Variants in SRPX observed in about 807,000 individuals in gnomAD.
SRPX encodes the protein sushi repeat containing protein X-linked, also known as sushi repeat-containing protein SRPX.
SRPX carries 24 observed loss-of-function variants against 38.1 expected under a neutral mutation model. The ratio of observed to expected loss-of-function variants is 0.63; its 90% CI spans 0.46 to 0.89. The LOEUF is 0.89. Among genes scored for constraint, SRPX ranks in the 40% least tolerant of loss-of-function variants. The pLI, the probability that SRPX is intolerant of heterozygous loss-of-function variation, is 0.00. For missense variants in SRPX, 416 were observed against 377.8 expected (o/e 1.10, Z -0.84); for synonymous variants, 184 against 153.8 (o/e 1.20, Z -1.45).
At chrX:38,171,853 C>T (rs1443429797) in intron 4 of SRPX, 28 bp downstream of exon 4, 1 of 1,204,280 alleles carries the variant, frequency 8.3e-7, no homozygotes, top group Non-Finnish European at 1.1e-6. Flanking sequence ...AAAGCAAGTG[C>T]CTCCTAAGGG....
intron 1 of SRPX, among the ~76,000 whole-genome samples, chrX:38,178,645 C>A (rs1159574777): frequency 1.8e-5 from 2 of 111,556 alleles, no homozygotes; most frequent in Non-Finnish European, 3.8e-5. Flanking sequence ...GAGAAGATGC[C>A]AATGTATATG....
intron 1 of SRPX, among the ~76,000 whole-genome samples, chrX:38,220,397 G>T (rs1421661462): frequency 1.8e-5 from 2 of 113,411 alleles, no homozygotes; most frequent in African/African-American, 6.4e-5. Flanking sequence ...TCTCTGTGGA[G>T]CCTCCTACAC....
At chrX:38,164,245 C>G (rs185267285) in intron 5 of SRPX, among the ~76,000 whole-genome samples, 112 of 110,279 alleles carry the variant, frequency 1.0e-3, no homozygotes, top group Non-Finnish European at 6.8e-4. Flanking sequence ...CAGGTTCAAG[C>G]GATTCTCATG....
chrX:38,172,084 G>A (rs202167327), intron 3 of SRPX, 27 bp from the exon 4 acceptor site: 8 of 1,192,839 alleles, frequency 6.7e-6, no homozygotes, highest in East Asian at 3.0e-5. Flanking sequence ...CAGATATTCA[G>A]CATTTCTTAG....
intron 1 of SRPX, among the ~76,000 whole-genome samples, chrX:38,219,136 T>C (rs1939466578): frequency 9.1e-6 from 1 of 110,133 alleles, no homozygotes; most frequent in African/African-American, 3.3e-5. Context: ...TGGGCCCTGG[T>C]AGCAAGCTGT....
intron 6 of SRPX, 92 bp from the exon 7 acceptor site, chrX:38,160,288 C>G: frequency 1.1e-6 from 1 of 919,426 alleles, no homozygotes; most frequent in South Asian, 2.4e-5. Flanking sequence ...ATCAGCTTTG[C>G]AATCAGGCTT....
chrX:38,176,600 C>T (rs1317465107), intron 2 of SRPX, among the ~76,000 whole-genome samples: 3 of 111,155 alleles, frequency 2.7e-5, no homozygotes, highest in Admixed American at 9.5e-5. Flanking sequence ...CGAGACCAGC[C>T]TGGCCAACAT....
intron 9 of SRPX, among the ~76,000 whole-genome samples, chrX:38,151,646 T>C (rs953326656): frequency 1.5e-4 from 17 of 111,080 alleles, no homozygotes; most frequent in African/African-American, 5.6e-4. Flanking sequence ...ATCAGCAGGC[T>C]AGCAGCAGCC....
chrX:38,178,458 C>A, intron 1 of SRPX, 114 bp from the exon 2 acceptor site: 1 of 565,941 alleles, frequency 1.8e-6, no homozygotes, highest in Non-Finnish European at 2.8e-6. Flanking sequence ...AATGCAGAGC[C>A]AAGAGCAAAA....
At chrX:38,215,767 G>T (rs1297182067) in intron 1 of SRPX, among the ~76,000 whole-genome samples, 1 of 112,120 alleles carries the variant, frequency 8.9e-6, no homozygotes, top group African/African-American at 3.2e-5. Context: ...GTGGGGCAGG[G>T]GGGTACAGCA....
At chrX:38,197,610 T>C (rs748482320) in intron 1 of SRPX, among the ~76,000 whole-genome samples, 4 of 112,017 alleles carry the variant, frequency 3.6e-5, no homozygotes, top group East Asian at 2.8e-4. Flanking sequence ...TGCCAGAAGA[T>C]GCTAGAAAGA....
Position 38,149,695 on chromosome X carries a change from G to A in SRPX, c.*16C>T. Reference sequence around the variant, plus strand: ...GTAGACAATGAAGAGGAATTGCCAAGAGAGGAACCATCATGTCAGGTGTTA... The same window carrying A: ...GTAGACAATGAAGAGGAATTGCCAAAAGAGGAACCATCATGTCAGGTGTTA... On this transcript the variant is annotated 3_prime_UTR_variant, in exon 10 of 10. Coordinates refer to ENST00000378533, the MANE Select transcript of SRPX (RefSeq NM_006307.5). 1 of 1,200,933 alleles carries A rather than the reference G, an allele frequency of 8.3e-7. No individual in the cohort carries two copies. Among genetic ancestry groups the A allele is most frequent in the Non-Finnish European group, 1.1e-6 (1 of 889,774 alleles).
chrX:38,183,986 G>T (rs1401441479), intron 1 of SRPX, among the ~76,000 whole-genome samples: 2 of 110,769 alleles, frequency 1.8e-5, no homozygotes, highest in Non-Finnish European at 3.8e-5. Context: ...TTCAAATTAG[G>T]GTCTTCCTGG....
rs1453654044 is a variant in SRPX, at chrX:38,160,060, A to G, written c.912T>C (p.Cys304=). The change falls in exon 7 of 10, where the codon TGT becomes TGC. Residue 304 remains cysteine (C), a synonymous_variant. Coordinates refer to ENST00000378533, the MANE Select transcript of SRPX (RefSeq NM_006307.5). ...TGCCAGACCAAGCCAGGTTGGATTG[A>G]CATACTCGGGCAGGGCTACCCTGGA... ...YELQGSPARV[C]QSNLAWSGTE... The G allele has an allele frequency of 3.3e-6, 4 of 1,209,906 alleles. No individual in the cohort carries two copies. The highest frequency in any genetic ancestry group is 4.5e-6 in the Non-Finnish European group (4 of 895,011).
intron 8 of SRPX, among the ~76,000 whole-genome samples, chrX:38,156,568 T>C (rs896819152): frequency 1.8e-5 from 2 of 112,243 alleles, no homozygotes; most frequent in African/African-American, 6.5e-5. Flanking sequence ...AGGCAACCAA[T>C]TGATTGCTTC....
At chrX:38,196,101 G>A (rs1938994821) in intron 1 of SRPX, among the ~76,000 whole-genome samples, 1 of 111,938 alleles carries the variant, frequency 8.9e-6, no homozygotes, top group Non-Finnish European at 1.9e-5. Context: ...CGTTATTTTA[G>A]AACAGATTAT....
chrX:38,158,800 G>A (rs1050335701), intron 7 of SRPX, among the ~76,000 whole-genome samples: 1 of 111,005 alleles, frequency 9.0e-6, no homozygotes, highest in Admixed American at 9.6e-5. Context: ...CTAACATGGT[G>A]AAACCCCGTC....
At chrX:38,170,698 T>C (rs149078809) in intron 4 of SRPX, among the ~76,000 whole-genome samples, 455 of 112,133 alleles carry the variant, frequency 4.1e-3, no homozygotes, top group Non-Finnish European at 4.7e-3. Context: ...CTGGTCCAGC[T>C]TAAGACATGC....
At chrX:38,155,746 T>A (rs762985811) in intron 8 of SRPX, among the ~76,000 whole-genome samples, 61 of 112,244 alleles carry the variant, frequency 5.4e-4, no homozygotes, top group Non-Finnish European at 1.0e-3. Context: ...AAATGCATGA[T>A]CATGGAATAT....
Sources: allele counts gnomAD v4.1 joint callset (sites outside exome capture counted in the v4.1 genomes callset), GRCh38; gene constraint gnomAD v4.1.1; transcripts MANE v1.5; gene names NCBI Gene and HGNC (gene_info 2026-07-23, HGNC 2026-07-21).